Variants in PTK2 observed in about 807,000 individuals in gnomAD.
The protein encoded by PTK2 is protein tyrosine kinase 2, also known as focal adhesion kinase 1.
In PTK2, 45 loss-of-function variants were observed where a neutral mutation model predicts 150.1. The ratio of observed to expected loss-of-function variants is 0.30; its 90% CI spans 0.24 to 0.38. PTK2 has a LOEUF of 0.38. PTK2 is among the 10% of genes least tolerant of loss of function. The pLI is 1.00. For missense variants in PTK2, 919 were observed against 1,307.3 expected (o/e 0.70, Z 4.58); for synonymous variants, 432 against 449.2 (o/e 0.96, Z 0.48).
chr8:140,730,955 C>T (rs868439704), intron 22 of PTK2, among the ~76,000 whole-genome samples: 3,841 of 69,626 alleles, frequency 0.055, 170 homozygotes, highest in African/African-American at 0.22. Flanking sequence ...TAAATTAAAC[C>T]CCCCCCCCCC....
chr8:140,981,588 T>C (rs2100191437), intron 1 of PTK2, among the ~76,000 whole-genome samples: 1 of 152,232 alleles, frequency 6.6e-6, no homozygotes, highest in South Asian at 2.1e-4. Context: ...GTACAACCTG[T>C]GAGCTAAAAA....
intron 8 of PTK2, among the ~76,000 whole-genome samples, chr8:140,829,884 G>GA (rs529983003): frequency 1.8e-3 from 279 of 152,262 alleles, no homozygotes; most frequent in Non-Finnish European, 3.2e-3. Flanking sequence ...TGCTGCGCTT[G>GA]AAAATCTTGA....
chr8:140,943,645 GC>G (rs1265045523), intron 1 of PTK2, among the ~76,000 whole-genome samples: 1 of 152,196 alleles, frequency 6.6e-6, no homozygotes, highest in African/African-American at 2.4e-5. Flanking sequence ...ATAAGAAAGT[GC>G]CAAACTGATT....
chr8:140,932,029 C>T (rs2100172025), intron 1 of PTK2, among the ~76,000 whole-genome samples: 1 of 151,454 alleles, frequency 6.6e-6, no homozygotes, highest in Non-Finnish European at 1.5e-5. Flanking sequence ...AAGACAAATG[C>T]CTCAGCCTAG....
chr8:140,700,220 G>T (rs1025696113), intron 26 of PTK2, among the ~76,000 whole-genome samples: 1 of 152,224 alleles, frequency 6.6e-6, no homozygotes, highest in East Asian at 1.9e-4. Flanking sequence ...TAGGATTCTG[G>T]ATCTATTAGA....
At chr8:140,816,199 G>GT (rs2100104619) in intron 10 of PTK2, among the ~76,000 whole-genome samples, 1 of 152,068 alleles carries the variant, frequency 6.6e-6, no homozygotes, top group African/African-American at 2.4e-5. Context: ...ATTTTAAATT[G>GT]TAAGTGGCAA....
At chr8:140,722,537 G>A (rs998588306) in intron 22 of PTK2, among the ~76,000 whole-genome samples, 3 of 152,142 alleles carry the variant, frequency 2.0e-5, no homozygotes, top group African/African-American at 7.2e-5. Flanking sequence ...CAAAGTATTG[G>A]GATTACAGAT....
chr8:140,802,346 C>T (rs2100095597), intron 11 of PTK2, among the ~76,000 whole-genome samples: 1 of 151,604 alleles, frequency 6.6e-6, no homozygotes, highest in Non-Finnish European at 1.5e-5. Flanking sequence ...CATTTTAAAA[C>T]TAGAAAAAAG....
intron 28 of PTK2, among the ~76,000 whole-genome samples, 200 bp from the exon 32 acceptor site, chr8:140,674,604 T>C (rs1020207266): frequency 1.3e-4 from 20 of 151,610 alleles, no homozygotes; most frequent in South Asian, 4.2e-4. Flanking sequence ...CCGGGTGTGG[T>C]GGCACATGCC....
chr8:140,717,602 G>A, exon 23 of PTK2: 7 of 1,611,794 alleles, frequency 4.3e-6, no homozygotes, highest in Non-Finnish European at 5.9e-6. Flanking sequence ...AGCTACCTTG[G>A]GCGGTGCTTC....
chr8:140,690,232 G>A (rs956285789), intron 26 of PTK2, among the ~76,000 whole-genome samples: 1 of 152,158 alleles, frequency 6.6e-6, no homozygotes. Flanking sequence ...GATTACAGGC[G>A]TGAGCCACCG....
chr8:140,668,379 G>A (rs374415488), exon 30 of PTK2: 20 of 1,613,576 alleles, frequency 1.2e-5, no homozygotes, highest in Admixed American at 1.7e-5. Flanking sequence ...TCATTCGACC[G>A]GTCCAGGTTG....
chr8:140,685,831 T>C (rs558119988), intron 27 of PTK2, among the ~76,000 whole-genome samples: 3 of 152,326 alleles, frequency 2.0e-5, no homozygotes, highest in East Asian at 1.9e-4. Flanking sequence ...AATTTGGCGA[T>C]GTCTCAGAAC....
rs142118799 is a variant in PTK2 at position 140,767,476 on chromosome 8, T to C, written c.1178-3186A>G. On this transcript the variant is annotated intron_variant, in intron 14 of 31. Transcript: ENST00000522684. ...TTCATATGTATGGTAATATCTGGTG[T>C]ATATTTCTAAGAATTCCTTTTTTTT... Among the ~76,000 whole-genome samples, 655 of 152,244 alleles carry C rather than the reference T, an allele frequency of 4.3e-3. 4 individuals carry two copies. Among genetic ancestry groups the C allele is most frequent in the African/African-American group, 0.015 (624 of 41,546 alleles).
chr8:140,878,376 G>C (rs2100146930), intron 4 of PTK2, among the ~76,000 whole-genome samples: 1 of 152,170 alleles, frequency 6.6e-6, no homozygotes, highest in Admixed American at 6.5e-5. Context: ...AAGGTGGGCA[G>C]ACTGTTTGAG....
chr8:140,989,541 A>G (rs2100194835), intron 1 of PTK2, among the ~76,000 whole-genome samples: 1 of 152,028 alleles, frequency 6.6e-6, no homozygotes, highest in South Asian at 2.1e-4. Flanking sequence ...AAAAAAAAAA[A>G]AAGAAGACCT....
intron 16 of PTK2, among the ~76,000 whole-genome samples, chr8:140,760,093 G>A (rs1359996444): frequency 3.3e-5 from 5 of 151,844 alleles, no homozygotes; most frequent in Non-Finnish European, 5.9e-5. Context: ...GTGGTGGAGC[G>A]CGCCTGTAGT....
At chr8:140,905,810 A>AT (rs1373148585) in intron 2 of PTK2, among the ~76,000 whole-genome samples, 16 of 152,202 alleles carry the variant, frequency 1.1e-4, no homozygotes, top group Admixed American at 2.0e-4. Context: ...AATGGAAATC[A>AT]TAACAGTCTC....
chr8:140,769,448 C>A (rs538142629), intron 14 of PTK2, 127 bp downstream of exon 16: 2 of 410,040 alleles, frequency 4.9e-6, no homozygotes, highest in African/African-American at 2.2e-5. Flanking sequence ...AAATATTTTG[C>A]ATACCATTTT....
Sources: allele counts gnomAD v4.1 joint callset (sites outside exome capture counted in the v4.1 genomes callset), GRCh38; gene constraint gnomAD v4.1.1; transcripts MANE v1.5; gene names NCBI Gene and HGNC (gene_info 2026-07-23, HGNC 2026-07-21).